FRMD4A: variants seen among roughly 807,000 people sequenced by gnomAD.
FRMD4A encodes the protein FERM domain containing 4A.
A neutral mutation model predicts 129.1 loss-of-function variants in FRMD4A; 29 were observed. The observed-to-expected ratio is 0.22, with a 90% CI of 0.17 to 0.31. The LOEUF is 0.31. FRMD4A is among the 10% of genes least tolerant of loss of function. The pLI is 1.00. For missense variants in FRMD4A, 1,272 were observed against 1,375.8 expected (o/e 0.92, Z 1.19); for synonymous variants, 634 against 571.6 (o/e 1.11, Z -1.56).
intron 15 of FRMD4A, among the ~76,000 whole-genome samples, chr10:13,679,474 T>TATATACACACACACAC (rs1308155926): frequency 3.1e-3 from 97 of 31,490 alleles, no homozygotes; most frequent in Non-Finnish European, 3.6e-3. Flanking sequence ...TATATATATA[T>TATATACACACACACAC]ACACACACAC....
At chr10:13,979,959 G>A (rs1490833079) in intron 2 of FRMD4A, among the ~76,000 whole-genome samples, 2 of 152,162 alleles carry the variant, frequency 1.3e-5, no homozygotes, top group African/African-American at 4.8e-5. Flanking sequence ...GCGGGTCTAT[G>A]AGCACCCCAT....
In FRMD4A at chr10:14,172,995, G is replaced by A. The variant is rs573688565; in HGVS notation, c.45+157063C>T. 2.0e-5 allele frequency among the ~76,000 whole-genome samples: 3 copies of A among 152,110 alleles called. No homozygotes were observed. The South Asian group carries it at 6.2e-4, about 32-fold the overall frequency. On this transcript the variant is annotated intron_variant, in intron 2 of 24. Transcript: ENST00000357447. Reference sequence around the variant, plus strand: ...ACAAGACCTACTTCTAACATTCTCTGAAAATATCATGGTCAGGCTCATTAA... The same window carrying A: ...ACAAGACCTACTTCTAACATTCTCTAAAAATATCATGGTCAGGCTCATTAA...
At chr10:13,698,360 A>G (rs7910180) in intron 14 of FRMD4A, among the ~76,000 whole-genome samples, 55,640 of 151,922 alleles carry the variant, frequency 0.37, 10,685 homozygotes, top group African/African-American at 0.49. Flanking sequence ...TGGCCAGGAT[A>G]CCAGCCAGAA....
chr10:14,290,893 C>A lies in FRMD4A; in HGVS notation c.45+39165G>T, dbSNP rs918358685. ...ATAAATGACTTAGCACAATGGCTGG[C>A]AAATAGGAACTCAATAAAAGGTGTC... On this transcript the variant is annotated intron_variant, in intron 2 of 24. Transcript: ENST00000357447. 3.3e-5 allele frequency among the ~76,000 whole-genome samples: 5 copies of A among 152,058 alleles called. No individual in the cohort carries two copies. The South Asian group carries it at 1.0e-3, about 32-fold the overall frequency.
At position 13,659,402 on chromosome 10, in the gene FRMD4A, G is replaced by C. The variant is rs140711494; in HGVS notation, c.1987C>G (p.Pro663Ala). 1.6e-4 allele frequency: 260 copies of C among 1,614,108 alleles called. No homozygotes were observed. The African/African-American group carries it at 2.3e-3, about 14-fold the overall frequency. The part of the protein sequence containing the change: ...SLQNSPIRGL[P>A]HWNSQSSMPS... ...ATGCTGGACTGGGAGTTCCAGTGCG[G>C]GAGGCCGCGGATGGGGCTGTTCTGC... Residue 663 changes from proline (P) to alanine (A), a missense_variant, in exon 21 of 25, where the codon CCG (proline) becomes GCG (alanine). By Grantham distance (27) the Pro-to-Ala change is conservative (BLOSUM62 -1). Transcript: ENST00000357447.
chr10:13,762,576 T>C (rs1487607092), intron 7 of FRMD4A, 48 bp downstream of exon 7: 1 of 1,073,184 alleles, frequency 9.3e-7, no homozygotes. Context: ...ACTTCCTTTC[T>C]TCTGTGTATG....
intron 2 of FRMD4A, among the ~76,000 whole-genome samples, chr10:14,086,116 T>C (rs1836258189): frequency 6.6e-6 from 1 of 152,176 alleles, no homozygotes; most frequent in Admixed American, 6.5e-5. Context: ...TAAATGAAAG[T>C]AGTGTATTTT....
chr10:13,857,014 G>A (rs1204085367), intron 3 of FRMD4A, among the ~76,000 whole-genome samples: 2 of 152,048 alleles, frequency 1.3e-5, no homozygotes, highest in African/African-American at 2.4e-5. Flanking sequence ...GCTAATTAAC[G>A]AGATCTCACT....
intron 3 of FRMD4A, among the ~76,000 whole-genome samples, chr10:13,824,999 T>G (rs7918601): frequency 0.016 from 2,467 of 151,888 alleles, 79 homozygotes; most frequent in African/African-American, 0.056. Context: ...CAGTCATTTT[T>G]CCCTCATTCC....
chr10:13,871,771 G>A (rs976463232), intron 2 of FRMD4A, among the ~76,000 whole-genome samples: 4 of 152,198 alleles, frequency 2.6e-5, no homozygotes, highest in East Asian at 1.9e-4. Context: ...GGGATGCCAA[G>A]CGTGGGAAGG....
At chr10:13,893,493 G>A (rs1472109862) in intron 2 of FRMD4A, among the ~76,000 whole-genome samples, 2 of 152,038 alleles carry the variant, frequency 1.3e-5, no homozygotes, top group Non-Finnish European at 2.9e-5. Context: ...ACCTAGTAAT[G>A]GACAATGAGG....
chr10:13,679,358 C>T (rs529343501), intron 15 of FRMD4A, among the ~76,000 whole-genome samples: 16 of 125,444 alleles, frequency 1.3e-4, no homozygotes, highest in Non-Finnish European at 2.2e-4. Context: ...ACCCGGGAGG[C>T]GGAGGTTGCA....
At chr10:14,225,114 T>C (rs1843392342) in intron 2 of FRMD4A, among the ~76,000 whole-genome samples, 1 of 152,148 alleles carries the variant, frequency 6.6e-6, no homozygotes, top group Non-Finnish European at 1.5e-5. Flanking sequence ...AAAGAATAAA[T>C]ATACACCAGG....
At chr10:14,104,489 C>T (rs1331980186) in intron 2 of FRMD4A, among the ~76,000 whole-genome samples, 21 of 152,236 alleles carry the variant, frequency 1.4e-4, no homozygotes, top group Non-Finnish European at 2.9e-5. Context: ...TCCAGATGCT[C>T]TACTCCCCAG....
At chr10:14,251,535 A>G (rs1844440911) in intron 2 of FRMD4A, among the ~76,000 whole-genome samples, 1 of 152,190 alleles carries the variant, frequency 6.6e-6, no homozygotes. Flanking sequence ...CCAATTTCCC[A>G]TCCACAGAAA....
chr10:14,315,040 C>T (rs948875057), intron 2 of FRMD4A, among the ~76,000 whole-genome samples: 4 of 151,978 alleles, frequency 2.6e-5, no homozygotes, highest in African/African-American at 9.7e-5. Flanking sequence ...TTTCTACTCT[C>T]TTTATACGAC....
At chr10:14,286,279 T>C (rs1010431303) in intron 2 of FRMD4A, among the ~76,000 whole-genome samples, 1 of 152,038 alleles carries the variant, frequency 6.6e-6, no homozygotes, top group African/African-American at 2.4e-5. Context: ...ATATGGTAGC[T>C]TTTGATTCTA....
At chr10:13,804,332 T>C (rs1248503869) in intron 4 of FRMD4A, among the ~76,000 whole-genome samples, 1 of 152,230 alleles carries the variant, frequency 6.6e-6, no homozygotes, top group African/African-American at 2.4e-5. Flanking sequence ...CTATTTTGTT[T>C]ATTTTTAAAT....
chr10:13,807,964 G>A (rs1464395669), intron 4 of FRMD4A, among the ~76,000 whole-genome samples: 3 of 151,934 alleles, frequency 2.0e-5, no homozygotes, highest in Admixed American at 1.3e-4. Flanking sequence ...ATGCCTGACT[G>A]ATTTTTGTAT....
Sources: allele counts gnomAD v4.1 joint callset (sites outside exome capture counted in the v4.1 genomes callset), GRCh38; gene constraint gnomAD v4.1.1; transcripts MANE v1.5; gene names NCBI Gene and HGNC (gene_info 2026-07-23, HGNC 2026-07-21).